Variants in TOM1L1 observed in about 807,000 individuals in gnomAD.
TOM1L1 encodes the protein target of myb1 like 1 membrane trafficking protein.
Under a neutral mutation model 63.4 loss-of-function variants are expected in TOM1L1, and 64 were observed. The observed-to-expected ratio is 1.01, with a 90% CI of 0.83 to 1.24. The LOEUF (loss-of-function observed/expected upper bound fraction) is 1.24. Ranked by LOEUF, TOM1L1 falls within the 50% of genes most tolerant of loss-of-function variation. The pLI is 0.00. For synonymous variants in TOM1L1, 166 were observed against 194.4 expected (o/e 0.85, Z 1.22); for missense variants, 536 against 567.0 (o/e 0.95, Z 0.55).
At chr17:54,948,921 G>A (rs1234835290) in intron 12 of TOM1L1, among the ~76,000 whole-genome samples, 5 of 152,096 alleles carry the variant, frequency 3.3e-5, no homozygotes, top group Non-Finnish European at 7.4e-5. Flanking sequence ...AAACAACAGA[G>A]AATCTGGCCT....
chr17:54,944,990 C>T (rs1214406337), intron 11 of TOM1L1, among the ~76,000 whole-genome samples: 1 of 152,118 alleles, frequency 6.6e-6, no homozygotes, highest in Non-Finnish European at 1.5e-5. Context: ...TATTATCTCA[C>T]AGTTCTGGAG....
In TOM1L1 at chr17:54,933,752, A is replaced by G. The variant is rs996789580; in HGVS notation, c.855-2897A>G. 7.2e-4 allele frequency among the ~76,000 whole-genome samples: 110 copies of G among 151,982 alleles called. 4 individuals carry two copies. The highest frequency in any genetic ancestry group is 7.2e-3 in the Admixed American group (110 of 15,246). On this transcript the variant is annotated intron_variant, in intron 8 of 15. Coordinates refer to ENST00000575882, the MANE Select transcript of TOM1L1 (RefSeq NM_005486.3). The stretch of plus-strand genomic sequence containing the variant: ...TGGCCAGGATGGTCTCGATCTCTTG[A>G]CCTCGTGATCCACCCACCTCGGCCT...
intron 12 of TOM1L1, 82 bp from the exon 13 acceptor site, chr17:54,949,436 A>C: frequency 1.7e-5 from 17 of 974,030 alleles, no homozygotes; most frequent in Non-Finnish European, 2.6e-5. Context: ...GGAACAATGT[A>C]CTTGCAAGTG....
chr17:54,940,441 A>G (rs1459273950), intron 11 of TOM1L1, among the ~76,000 whole-genome samples: 1 of 152,218 alleles, frequency 6.6e-6, no homozygotes, highest in Non-Finnish European at 1.5e-5. Context: ...TTAAAATTAT[A>G]AATGCATTTA....
rs1567852519 is a variant in TOM1L1, at chr17:54,960,598, A to C, written c.1403A>C (p.His468Pro). The change falls in exon 15 of 16, where the codon CAC (histidine) becomes CCC (proline). Residue 468 changes from histidine (H) to proline (P), a missense_variant. Coordinates refer to ENST00000575882, the MANE Select transcript of TOM1L1 (RefSeq NM_005486.3). ...AIYEEIDAHQHKGAQNDGD is the reference protein window; with the variant it reads ...AIYEEIDAHQPKGAQNDGD ...TATGAAGAAATTGATGCTCACCAGC[A>C]CAAAGGAGCTCAAAATGATGGTGAC... 1 of 1,613,234 alleles carries C rather than the reference A, an allele frequency of 6.2e-7. No individual in the cohort carries two copies. The highest frequency in any genetic ancestry group is 2.2e-5 in the East Asian group (1 of 44,842).
At chr17:54,911,480 A>G (rs2048496088) in intron 3 of TOM1L1, among the ~76,000 whole-genome samples, 1 of 152,120 alleles carries the variant, frequency 6.6e-6, no homozygotes. Context: ...AACTCAAAAT[A>G]TCTAAATTTC....
At chr17:54,938,204 G>A (rs1002281131) in intron 10 of TOM1L1, among the ~76,000 whole-genome samples, 1 of 152,084 alleles carries the variant, frequency 6.6e-6, no homozygotes, top group African/African-American at 2.4e-5. Context: ...TTAAGATTAT[G>A]GCCTGGAGGC....
chr17:54,942,684 A>G (rs545792829), intron 11 of TOM1L1, among the ~76,000 whole-genome samples: 21 of 152,304 alleles, frequency 1.4e-4, no homozygotes, highest in African/African-American at 5.1e-4. Context: ...TAAAATTTTC[A>G]TATACTAAAA....
chr17:54,951,409 C>T (rs988071213), intron 14 of TOM1L1, among the ~76,000 whole-genome samples: 1 of 152,184 alleles, frequency 6.6e-6, no homozygotes, highest in Non-Finnish European at 1.5e-5. Context: ...GTCAGCATTC[C>T]TTCCCCCAGG....
chr17:54,953,982 G>C (rs2049364300), intron 14 of TOM1L1: 1 of 152,140 alleles, frequency 6.6e-6, no homozygotes, highest in African/African-American at 2.4e-5. Context: ...ATTTCTCTGA[G>C]ATTTCCCCAA....
chr17:54,935,504 T>C (rs2048930387), intron 8 of TOM1L1, among the ~76,000 whole-genome samples: 1 of 152,164 alleles, frequency 6.6e-6, no homozygotes, highest in African/African-American at 2.4e-5. Context: ...ACAGTAATAC[T>C]ATATGTTTCT....
chr17:54,907,427 A>T (rs1336522683), intron 3 of TOM1L1, among the ~76,000 whole-genome samples: 1 of 152,238 alleles, frequency 6.6e-6, no homozygotes, highest in African/African-American at 2.4e-5. Context: ...ATTTGATCCC[A>T]GTCCTCAGAT....
rs1037089869 is a variant in TOM1L1 at position 54,913,787 on chromosome 17, G to A, written c.412G>A (p.Glu138Lys). ...QGFPGGVDVSEVKEVYLDLVK... is the reference protein window; with the variant it reads ...QGFPGGVDVSKVKEVYLDLVK... ...CTTCCCAGGAGGTGTGGATGTAAGC[G>A]AAGTCAAAGAAGTATACCTCGACCT... Residue 138 changes from glutamate to lysine, a missense_variant, in exon 5 of 16, where the codon GAA (glutamate) becomes AAA (lysine). By Grantham distance (56) the Glu-to-Lys change is moderately conservative. Coordinates refer to ENST00000575882, the MANE Select transcript of TOM1L1 (RefSeq NM_005486.3). 2.8e-5 allele frequency: 45 copies of A among 1,611,444 alleles called. No homozygotes were observed. Among genetic ancestry groups the A allele is most frequent in the Non-Finnish European group, 3.1e-5 (36 of 1,178,432 alleles).
At chr17:54,925,922 A>AATAAC (rs55864025) in intron 7 of TOM1L1, among the ~76,000 whole-genome samples, 1 of 132,170 alleles carries the variant, frequency 7.6e-6, no homozygotes, top group Non-Finnish European at 1.6e-5. Flanking sequence ...ACAACAACAA[A>AATAAC]AAAAAAAGCA....
chr17:54,917,587 A>T (rs895284807), intron 7 of TOM1L1: 3 of 152,126 alleles, frequency 2.0e-5, no homozygotes, highest in Admixed American at 2.0e-4. Flanking sequence ...GATAATAATT[A>T]TATTTAACGC....
chr17:54,935,677 AG>A (rs1428917703), intron 8 of TOM1L1, among the ~76,000 whole-genome samples: 1 of 152,200 alleles, frequency 6.6e-6, no homozygotes, highest in Non-Finnish European at 1.5e-5. Flanking sequence ...TATAGCTACA[AG>A]GTACTAACAC....
chr17:54,923,969 C>T (rs1263636604), intron 7 of TOM1L1, among the ~76,000 whole-genome samples: 9 of 151,986 alleles, frequency 5.9e-5, no homozygotes, highest in African/African-American at 1.4e-4. Flanking sequence ...TCCAGCCTGG[C>T]GATACTACTT....
intron 12 of TOM1L1, among the ~76,000 whole-genome samples, chr17:54,949,203 ATTT>A (rs58407367): frequency 2.5e-5 from 3 of 122,286 alleles, no homozygotes; most frequent in Admixed American, 8.8e-5. Context: ...ATGCCCAGCT[ATTT>A]TTTTTTTTTT....
intron 11 of TOM1L1, among the ~76,000 whole-genome samples, chr17:54,940,311 GT>G (rs2049015677): frequency 1.3e-5 from 2 of 152,132 alleles, no homozygotes; most frequent in South Asian, 4.1e-4. Context: ...ATAAGAAATT[GT>G]TTTCTACTTC....
Sources: allele counts gnomAD v4.1 joint callset (sites outside exome capture counted in the v4.1 genomes callset), GRCh38; gene constraint gnomAD v4.1.1; transcripts MANE v1.5; gene names NCBI Gene and HGNC (gene_info 2026-07-23, HGNC 2026-07-21).